Variants in SLC35F3 observed in about 807,000 individuals in gnomAD.
The protein encoded by SLC35F3 is solute carrier family 35 member F3.
A neutral mutation model predicts 49.9 loss-of-function variants in SLC35F3; 25 were observed. The ratio of observed to expected loss-of-function variants is 0.50; its 90% CI spans 0.37 to 0.70. The LOEUF is 0.70. Ranked by LOEUF, SLC35F3 falls within the 30% of genes least tolerant of loss-of-function variation. The pLI is 0.00. For missense variants in SLC35F3, 525 were observed against 639.8 expected (o/e 0.82, Z 1.94); for synonymous variants, 275 against 265.4 (o/e 1.04, Z -0.35).
intron 3 of SLC35F3, among the ~76,000 whole-genome samples, chr1:234,235,690 G>A (rs1235987877): frequency 1.3e-5 from 2 of 152,224 alleles, no homozygotes; most frequent in African/African-American, 4.8e-5. Context: ...CGGTGCAGTG[G>A]TGACAGATGT....
intron 2 of SLC35F3, among the ~76,000 whole-genome samples, chr1:233,948,187 AGGGGAGAGAGAGAGAGGGAGAGAG>A (rs1204969358): frequency 1.7e-4 from 25 of 145,192 alleles, no homozygotes; most frequent in Admixed American, 4.1e-4. Context: ...GGTAAGAGGG[AGGGGAGAGAGAGAGAGGGAGAGAG>A]GGAGAGAGGG....
chr1:234,053,161 G>A (rs1160192861), intron 2 of SLC35F3, among the ~76,000 whole-genome samples: 1 of 152,110 alleles, frequency 6.6e-6, no homozygotes, highest in Non-Finnish European at 1.5e-5. Flanking sequence ...GGTCCTCTTG[G>A]TGCAGAGCTG....
chr1:234,048,862 C>A (rs1383050576), intron 2 of SLC35F3, among the ~76,000 whole-genome samples: 1 of 152,210 alleles, frequency 6.6e-6, no homozygotes, highest in Non-Finnish European at 1.5e-5. Context: ...TAGGTCTTCA[C>A]CTTCCTTGGG....
At chr1:234,172,568 G>A (rs1236050024) in intron 2 of SLC35F3, among the ~76,000 whole-genome samples, 2 of 152,192 alleles carry the variant, frequency 1.3e-5, no homozygotes, top group African/African-American at 4.8e-5. Flanking sequence ...GTCACTTAAT[G>A]GGATTCATTC....
intron 4 of SLC35F3, among the ~76,000 whole-genome samples, chr1:234,312,492 A>G (rs1158249281): frequency 6.6e-6 from 1 of 152,218 alleles, no homozygotes; most frequent in Non-Finnish European, 1.5e-5. Context: ...AGTATCTGGT[A>G]TCTGGTCCTG....
chr1:234,128,534 G>A (rs192968514), intron 2 of SLC35F3, among the ~76,000 whole-genome samples: 1 of 152,300 alleles, frequency 6.6e-6, no homozygotes, highest in East Asian at 1.9e-4. Flanking sequence ...CATTAGGAGT[G>A]CTGAGAACTG....
chr1:234,291,613 A>G (rs2102986053), intron 3 of SLC35F3, among the ~76,000 whole-genome samples: 1 of 152,256 alleles, frequency 6.6e-6, no homozygotes, highest in Non-Finnish European at 1.5e-5. Flanking sequence ...AATTTTTTTA[A>G]GAGGCAGGTC....
chr1:233,956,226 G>A (rs1018686537), intron 2 of SLC35F3, among the ~76,000 whole-genome samples: 6 of 152,110 alleles, frequency 3.9e-5, no homozygotes, highest in Admixed American at 3.9e-4. Flanking sequence ...TAAAAGTTGA[G>A]TGTGACTTCT....
At chr1:234,100,494 A>G (rs1428906206) in intron 2 of SLC35F3, among the ~76,000 whole-genome samples, 2 of 152,246 alleles carry the variant, frequency 1.3e-5, no homozygotes, top group Non-Finnish European at 2.9e-5. Context: ...ATAATCAAAA[A>G]AGTGTGATGA....
rs138666704 is a variant in SLC35F3 at position 234,275,333 on chromosome 1, C to CAA, written c.609-33768_609-33767insAA. The stretch of plus-strand genomic sequence containing the variant: ...GTGGATATGTAAACATCCCAAAATC[C>CAA]CAAAAAAAAAAAAATTAGAAATTCA... On this transcript the variant is annotated intron_variant, in intron 3 of 7. Transcript: ENST00000366618. Among the ~76,000 whole-genome samples, 539 of 150,690 alleles carry CAA rather than the reference C, an allele frequency of 3.6e-3. 14 individuals carry two copies. The East Asian group carries it at 0.064, about 18-fold the overall frequency.
At chr1:234,051,048 G>A (rs963860052) in intron 2 of SLC35F3, among the ~76,000 whole-genome samples, 9 of 152,334 alleles carry the variant, frequency 5.9e-5, no homozygotes, top group African/African-American at 9.6e-5. Context: ...TAGCCTGGTA[G>A]TATAGTTTGA....
chr1:234,161,557 T>C (rs7545238), intron 2 of SLC35F3, among the ~76,000 whole-genome samples: 20,662 of 152,114 alleles, frequency 0.14, 4,449 homozygotes, highest in African/African-American at 0.46. Context: ...GCCCAGGAGT[T>C]TGAGACCAGG....
intron 2 of SLC35F3, among the ~76,000 whole-genome samples, chr1:234,124,693 C>A (rs1343577090): frequency 6.6e-6 from 1 of 152,050 alleles, no homozygotes; most frequent in African/African-American, 2.4e-5. Flanking sequence ...ATAGCAAGAC[C>A]CCATCTCTAC....
chr1:234,291,346 T>A (rs1358632366), intron 3 of SLC35F3, among the ~76,000 whole-genome samples: 1 of 152,204 alleles, frequency 6.6e-6, no homozygotes, highest in Non-Finnish European at 1.5e-5. Context: ...GCAGAGCTGA[T>A]GCTGCTGGTC....
chr1:233,971,767 G>T (rs1481056518), intron 2 of SLC35F3, among the ~76,000 whole-genome samples: 1 of 151,796 alleles, frequency 6.6e-6, no homozygotes, highest in Non-Finnish European at 1.5e-5. Flanking sequence ...ACTCCCTTGT[G>T]GTCAACAATG....
chr1:233,908,723 A>G (rs550069433), intron 2 of SLC35F3, among the ~76,000 whole-genome samples: 2 of 151,382 alleles, frequency 1.3e-5, no homozygotes, highest in East Asian at 3.9e-4. Context: ...TTTAGTAAAG[A>G]TGGGGTTTCA....
intron 3 of SLC35F3, among the ~76,000 whole-genome samples, chr1:234,286,892 G>A (rs1217781191): frequency 6.6e-6 from 1 of 152,176 alleles, no homozygotes; most frequent in Non-Finnish European, 1.5e-5. Flanking sequence ...AACTATGGCT[G>A]GGCACAGTTG....
chr1:234,281,085 C>A (rs563586950), intron 3 of SLC35F3, among the ~76,000 whole-genome samples: 1 of 152,134 alleles, frequency 6.6e-6, no homozygotes, highest in Non-Finnish European at 1.5e-5. Context: ...ATTGTGTCCC[C>A]CCCCCATGCT....
At chr1:234,015,443 A>C (rs1439552355) in intron 2 of SLC35F3, among the ~76,000 whole-genome samples, 1 of 152,150 alleles carries the variant, frequency 6.6e-6, no homozygotes, top group African/African-American at 2.4e-5. Context: ...ACAGTGTGAT[A>C]CTGGCATAAA....
Sources: allele counts gnomAD v4.1 joint callset (sites outside exome capture counted in the v4.1 genomes callset), GRCh38; gene constraint gnomAD v4.1.1; transcripts MANE v1.5; gene names NCBI Gene and HGNC (gene_info 2026-07-23, HGNC 2026-07-21).